The following PFKFB3 variants were observed in gnomAD, a reference collection of about 807,000 sequenced individuals.
PFKFB3 encodes 6-phosphofructo-2-kinase/fructose-2,6-bisphosphatase 3.
Under a neutral mutation model 68.0 loss-of-function variants are expected in PFKFB3, and 33 were observed. That is an observed-to-expected ratio of 0.49 (90% CI 0.37 to 0.65). PFKFB3 has a LOEUF of 0.65. Among genes scored for constraint, PFKFB3 ranks in the 30% least tolerant of loss-of-function variants. The pLI, the probability that PFKFB3 is intolerant of heterozygous loss-of-function variation, is 0.00. For synonymous variants in PFKFB3, 315 were observed against 288.2 expected, an observed-to-expected ratio of 1.09 and a Z score of -0.94; for missense variants, 586 against 712.2, an observed-to-expected ratio of 0.82 and a Z score of 2.02.
chr10:6,170,884 C>A (rs1408372141), intron 1 of PFKFB3, among the ~76,000 whole-genome samples: 1 of 152,062 alleles, frequency 6.6e-6, no homozygotes, highest in Non-Finnish European at 1.5e-5. Context: ...AAAAGAAAAG[C>A]TCAGGAAGAG....
At chr10:6,185,377 T>C (rs1842841080) in intron 1 of PFKFB3, among the ~76,000 whole-genome samples, 1 of 152,244 alleles carries the variant, frequency 6.6e-6, no homozygotes, top group South Asian at 2.1e-4. Flanking sequence ...TTATCAGTCA[T>C]TGATAACTTC....
chr10:6,151,406 A>G (rs188928169), intron 1 of PFKFB3, among the ~76,000 whole-genome samples: 1 of 152,336 alleles, frequency 6.6e-6, no homozygotes, highest in East Asian at 1.9e-4. Context: ...CTCACTTGTC[A>G]GAAAGTGAGG....
rs1311937989 is a variant in PFKFB3 at position 6,229,535 on chromosome 10, C to G, written c.1515+3170C>G. Among the ~76,000 whole-genome samples, 1 of 152,202 alleles carries G rather than the reference C, an allele frequency of 6.6e-6. No homozygotes were observed. The highest frequency in any genetic ancestry group is 1.5e-5 in the Non-Finnish European group (1 of 68,040). On this transcript the variant is annotated intron_variant, in intron 14 of 14. Transcript: ENST00000379775. This position sits in a 1 kb window ranked among gnomAD's most constrained non-coding sequence, Gnocchi z 4.3. ...CCCCACAGCCACCCCCTTGCAGCTG[C>G]TTCCCACAGCCAGGCTTTGCTTACC...
intron 6 of PFKFB3, among the ~76,000 whole-genome samples, chr10:6,219,145 A>G (rs1278440464): frequency 6.6e-6 from 1 of 152,244 alleles, no homozygotes; most frequent in African/African-American, 2.4e-5. Flanking sequence ...ACAAGGCCAG[A>G]GGCATCTCTG....
chr10:6,277,567 T>G, the PFKFB3 span: 1 of 178,590 alleles, frequency 5.6e-6, no homozygotes, highest in Non-Finnish European at 1.2e-5. Flanking sequence ...TGTGCTGTGC[T>G]CACAACAGAG....
intron 1 of PFKFB3, among the ~76,000 whole-genome samples, chr10:6,164,939 G>C (rs1842083069): frequency 6.6e-6 from 1 of 152,070 alleles, no homozygotes; most frequent in Non-Finnish European, 1.5e-5. Context: ...TTTACACCGA[G>C]ACATTCCATT....
intron 1 of PFKFB3, among the ~76,000 whole-genome samples, chr10:6,157,664 G>T (rs1176594206): frequency 6.6e-6 from 1 of 152,208 alleles, no homozygotes; most frequent in Non-Finnish European, 1.5e-5. Context: ...AATGGGGTAT[G>T]ACAAAGGGAA....
chr10:6,287,892 G>T, the PFKFB3 span, among the ~76,000 whole-genome samples: 4 of 152,088 alleles, frequency 2.6e-5, no homozygotes, highest in East Asian at 7.7e-4. Context: ...GTAGATTTGA[G>T]CTTCTGACCA....
chr10:6,245,094 G>C (rs1054521893), intron 14 of PFKFB3, among the ~76,000 whole-genome samples: 1 of 152,090 alleles, frequency 6.6e-6, no homozygotes, highest in African/African-American at 2.4e-5. Flanking sequence ...TTGTGGTCTA[G>C]CTCTCTTATT....
the PFKFB3 span, among the ~76,000 whole-genome samples, chr10:6,290,416 C>G: frequency 0.02 from 3,016 of 151,244 alleles, 92 homozygotes; most frequent in African/African-American, 0.068. Flanking sequence ...TAGCATGAAG[C>G]GTTGTTGAAT....
chr10:6,311,955 C>T, the PFKFB3 span, among the ~76,000 whole-genome samples: 2 of 152,240 alleles, frequency 1.3e-5, no homozygotes, highest in East Asian at 1.9e-4. Context: ...AAGAATCACA[C>T]GTTTCTGCAA....
intron 1 of PFKFB3, among the ~76,000 whole-genome samples, chr10:6,189,751 G>A (rs1273772647): frequency 6.6e-6 from 1 of 151,732 alleles, no homozygotes; most frequent in African/African-American, 2.4e-5. Context: ...CTGACCTCAA[G>A]TGATCCGCCC....
intron 1 of PFKFB3, among the ~76,000 whole-genome samples, chr10:6,150,154 G>A (rs1841529224): frequency 1.3e-5 from 2 of 152,126 alleles, no homozygotes; most frequent in Admixed American, 6.5e-5. Flanking sequence ...TAACCAGACC[G>A]GAACACTCAT....
intron 1 of PFKFB3, among the ~76,000 whole-genome samples, chr10:6,157,332 T>G (rs1158597530): frequency 2.0e-5 from 3 of 151,522 alleles, no homozygotes; most frequent in Admixed American, 1.3e-4. Context: ...GTTCACGCCA[T>G]TCTCCTGCCT....
At chr10:6,299,562 T>G in the PFKFB3 span, among the ~76,000 whole-genome samples, 9 of 152,202 alleles carry the variant, frequency 5.9e-5, no homozygotes, top group African/African-American at 1.9e-4. Flanking sequence ...TTAGTTCCCG[T>G]CTGTTAAGAC....
chr10:6,152,883 A>T (rs934242829), intron 1 of PFKFB3, among the ~76,000 whole-genome samples: 2 of 152,046 alleles, frequency 1.3e-5, no homozygotes, highest in African/African-American at 4.8e-5. Context: ...CTTGTCTTTA[A>T]AAAAAGGAAG....
chr10:6,215,321 AGGCTGGGCCGCGGGCGTAG>A lies in PFKFB3; in HGVS notation c.299+13_299+31del. 2 of 1,611,666 alleles carry A rather than the reference AGGCTGGGCCGCGGGCGTAG, an allele frequency of 1.2e-6. No individual in the cohort carries two copies. Among genetic ancestry groups the A allele is most frequent in the Admixed American group, 1.7e-5 (1 of 59,982 alleles). ...AGGAAGCCATGAAAGTCCGGAAGTA[AGGCTGGGCCGCGGGCGTAG>A]GGCTGGGCTGTGGGAATAAGGCTGG... On this transcript the variant is annotated splice_donor_5th_base_variant and intron_variant, in intron 3 of 14. Transcript: ENST00000379775. This position sits in a 1 kb window ranked among gnomAD's most constrained non-coding sequence, Gnocchi z 4.3.
chr10:6,216,051 G>A (rs191208974), intron 3 of PFKFB3, 74 bp from the exon 4 acceptor site: 44 of 1,260,262 alleles, frequency 3.5e-5, no homozygotes, highest in Middle Eastern at 1.8e-4. Flanking sequence ...TTGTCGGGGC[G>A]TGTCGGGAGT....
Position 6,242,592 on chromosome 10 carries a change from A to AT in PFKFB3, c.1516-11573dup, listed in dbSNP as rs377078975. 3.4e-3 allele frequency among the ~76,000 whole-genome samples: 498 copies of AT among 146,616 alleles called. 2 individuals carry two copies. The highest frequency in any genetic ancestry group is 5.1e-3 in the Non-Finnish European group (340 of 66,768). On this transcript the variant is annotated intron_variant, in intron 14 of 14. Coordinates refer to the PFKFB3 transcript ENST00000640683. ...TGCCCTGAAGCAGTGTTCTGTAAAC[A>AT]TTTTTTTTTTTTTGAGACGGAGTCT...
Sources: allele counts gnomAD v4.1 joint callset (sites outside exome capture counted in the v4.1 genomes callset), GRCh38; gene constraint gnomAD v4.1.1; non-coding constraint Gnocchi (gnomAD v3.1); transcripts MANE v1.5; gene names NCBI Gene and HGNC (gene_info 2026-07-23, HGNC 2026-07-21).